Variants in AMOT observed in about 807,000 individuals in gnomAD.
AMOT encodes angiomotin.
A neutral mutation model predicts 67.0 loss-of-function variants in AMOT; 11 were observed. The ratio of observed to expected loss-of-function variants is 0.16; its 90% confidence interval spans 0.10 to 0.27. The LOEUF is 0.27. Ranked by LOEUF, AMOT falls within the 10% of genes least tolerant of loss-of-function variation. The pLI, the probability that AMOT is intolerant of heterozygous loss-of-function variation, is 1.00. For missense variants in AMOT, 753 were observed against 852.0 expected (o/e 0.88, Z 1.45); for synonymous variants, 326 against 321.4 (o/e 1.01, Z -0.15).
chrX:112,817,187 G>A (rs775858798), intron 4 of AMOT, among the ~76,000 whole-genome samples: 1 of 111,976 alleles, frequency 8.9e-6, no homozygotes, highest in African/African-American at 3.2e-5. Flanking sequence ...TACTGCTCAC[G>A]AGCTGTGTAA....
At chrX:112,805,662 C>T (rs2147802905) in intron 7 of AMOT, among the ~76,000 whole-genome samples, 1 of 112,024 alleles carries the variant, frequency 8.9e-6, no homozygotes, top group African/African-American at 3.2e-5. Flanking sequence ...CACGGAAAAC[C>T]TAACCCAACA....
intron 4 of AMOT, among the ~76,000 whole-genome samples, chrX:112,818,015 T>C (rs957674157): frequency 5.4e-5 from 6 of 111,539 alleles, no homozygotes; most frequent in Admixed American, 9.5e-5. Flanking sequence ...TGAGATTTGT[T>C]GGGGCTTGTG....
intron 9 of AMOT, among the ~76,000 whole-genome samples, chrX:112,791,481 T>C (rs1472953831): frequency 7.1e-5 from 8 of 112,460 alleles, no homozygotes; most frequent in Non-Finnish European, 1.1e-4. Flanking sequence ...AACTGAAAAG[T>C]GGTACAGCCA....
chrX:112,828,239 C>T (rs1470847950), intron 2 of AMOT, among the ~76,000 whole-genome samples: 1 of 109,042 alleles, frequency 9.2e-6, no homozygotes, highest in African/African-American at 3.4e-5. Flanking sequence ...GCATCATAAA[C>T]ACCGTGGCAC....
At chrX:112,783,221 G>C (rs1470389913) in intron 10 of AMOT, among the ~76,000 whole-genome samples, 2 of 108,036 alleles carry the variant, frequency 1.9e-5, no homozygotes, top group Non-Finnish European at 3.8e-5. Flanking sequence ...CTTGAACCCG[G>C]GAGGTGAAGG....
chrX:112,836,916 G>T (rs1249446990), intron 1 of AMOT, among the ~76,000 whole-genome samples: 3 of 108,749 alleles, frequency 2.8e-5, no homozygotes, highest in African/African-American at 1.0e-4. Context: ...ACTTAACAGA[G>T]GTAGTAAACC....
In AMOT at chrX:112,809,950, T is replaced by A. The variant is rs1483833087; in HGVS notation, c.1574A>T (p.Lys525Met). The A allele has an allele frequency of 3.3e-6, 4 of 1,211,507 alleles. No homozygotes were observed. Among genetic ancestry groups the A allele is most frequent in the Non-Finnish European group, 3.4e-6 (3 of 895,393 alleles). ...LETANKQLAE[K>M]EYEGSEDTRK... is the part of the protein sequence containing the mutation. ...GGTGTCCTCTGACCCCTCATATTCC[T>A]TCTCTGCAAGCTGCTTGTTGGCAGT... is the stretch of plus-strand genomic sequence containing the variant. The change falls in exon 7 of 14, where the codon AAG (lysine) becomes ATG (methionine). Residue 525 changes from lysine to methionine, a missense_variant. Physicochemically the swap from Lys to Met is moderately conservative, Grantham distance 95. Coordinates refer to ENST00000371959, the MANE Select transcript of AMOT (RefSeq NM_001113490.2).
At chrX:112,839,290 A>G (rs1935225320) in intron 1 of AMOT, among the ~76,000 whole-genome samples, 1 of 112,071 alleles carries the variant, frequency 8.9e-6, no homozygotes, top group Non-Finnish European at 1.9e-5. Flanking sequence ...AACTATTCTT[A>G]GCTACTAAAT....
In AMOT at chrX:112,822,383, T is replaced by C; in HGVS notation, c.744A>G (p.Pro248=). The C allele has an allele frequency of 4.3e-6, 5 of 1,166,289 alleles. No homozygotes were observed. Among genetic ancestry groups the C allele is most frequent in the Non-Finnish European group, 5.7e-6 (5 of 872,312 alleles). Residue 248 remains proline (P), a synonymous_variant, in exon 4 of 14, where the codon CCA becomes CCG. Coordinates refer to ENST00000371959, the MANE Select transcript of AMOT (RefSeq NM_001113490.2). ...PPPEYPFKGM[P]PQSVVCKPQE... ...GGGGCTTGCACACTACAGATTGGGG[T>C]GGCATGCCCTTGAAGGGATATTCTG... is the stretch of plus-strand genomic sequence containing the variant.
At chrX:112,826,174 C>CA (rs1017821556) in intron 2 of AMOT, among the ~76,000 whole-genome samples, 1 of 111,558 alleles carries the variant, frequency 9.0e-6, no homozygotes, top group African/African-American at 3.3e-5. Context: ...GCACATGAAC[C>CA]ACATTCCTAT....
chrX:112,815,805 G>T lies in AMOT; in HGVS notation c.945C>A (p.Thr315=), dbSNP rs189671740. The change falls in exon 5 of 14, where the codon ACC becomes ACA. Residue 315 remains threonine (T), a synonymous_variant. Coordinates refer to ENST00000371959, the MANE Select transcript of AMOT (RefSeq NM_001113490.2). ...SQPHSPTSSL[T]SGGSLPLLQS... Reference sequence around the variant, plus strand: ...GTAGCAAGGGCAAGGACCCCCCAGAGGTCAGAGAAGAAGTAGGGCTGTGAG... The same window carrying T: ...GTAGCAAGGGCAAGGACCCCCCAGATGTCAGAGAAGAAGTAGGGCTGTGAG... 395 of 1,165,007 alleles carry T rather than the reference G, an allele frequency of 3.4e-4. 1 individual carries two copies. Among genetic ancestry groups the T allele is most frequent in the Non-Finnish European group, 8.3e-5 (72 of 872,541 alleles).
chrX:112,801,418 G>C (rs1403055443), intron 8 of AMOT, among the ~76,000 whole-genome samples: 1 of 111,381 alleles, frequency 9.0e-6, no homozygotes. Flanking sequence ...GTACACGCTG[G>C]TTCAAGGCCT....
intron 11 of AMOT, among the ~76,000 whole-genome samples, 181 bp downstream of exon 11, chrX:112,782,359 A>G (rs1933212471): frequency 8.9e-6 from 1 of 112,115 alleles, no homozygotes; most frequent in Non-Finnish European, 1.9e-5. Flanking sequence ...CTGGAATTCC[A>G]TGTTTAGTGG....
intron 13 of AMOT, 107 bp from the exon 14 acceptor site, chrX:112,778,771 T>A: frequency 2.6e-6 from 2 of 765,999 alleles, no homozygotes; most frequent in Non-Finnish European, 3.8e-6. Context: ...AAAGTGAGAC[T>A]TGCCTGCCAC....
At chrX:112,803,926 T>C (rs1344264240) in intron 8 of AMOT, among the ~76,000 whole-genome samples, 2 of 111,879 alleles carry the variant, frequency 1.8e-5, no homozygotes, top group Non-Finnish European at 3.8e-5. Flanking sequence ...AGATATGAAA[T>C]TTTCTTTACC....
At position 112,778,444 on chromosome X, in the gene AMOT, G is replaced by T; in HGVS notation, c.*123C>A. The T allele has an allele frequency of 1.8e-6, 1 of 569,546 alleles. No individual in the cohort carries two copies. The highest frequency in any genetic ancestry group is 2.8e-6 in the Non-Finnish European group (1 of 356,799). The allele number at this position is 569,546 out of a possible 1,213,427, so 46.9% of individuals were successfully genotyped here. A position where few individuals can be genotyped will look rare whatever the true frequency, so the allele number is the denominator to read the frequency against. ...AAGTAGTACATTGTTCCAATAAAAA[G>T]TCCTGTTAAAAAACATCCCCTCCCC... On this transcript the variant is annotated 3_prime_UTR_variant, in exon 14 of 14. Coordinates refer to ENST00000371959, the MANE Select transcript of AMOT (RefSeq NM_001113490.2).
intron 8 of AMOT, 36 bp downstream of exon 8, chrX:112,804,911 A>AC: frequency 4.1e-6 from 2 of 490,731 alleles, no homozygotes; most frequent in Non-Finnish European, 6.8e-6. Flanking sequence ...CAGCCCTCCC[A>AC]CCCCCAGGCT....
Position 112,829,878 on chromosome X carries a change from C to T in AMOT, c.-212+2416G>A, listed in dbSNP as rs1329650264. 3.6e-5 allele frequency among the ~76,000 whole-genome samples: 4 copies of T among 112,058 alleles called. No homozygotes were observed. In the East Asian group the frequency reaches 1.1e-3, roughly 31 times the overall value. ...TGCCACCTCCCTCTATCTCCCAGCA[C>T]ACACATCCATTCCAAAAGAGGAGTA... On this transcript the variant is annotated intron_variant, in intron 2 of 13. Coordinates refer to ENST00000371959, the MANE Select transcript of AMOT (RefSeq NM_001113490.2).
intron 10 of AMOT, among the ~76,000 whole-genome samples, chrX:112,784,735 A>C (rs780514192): frequency 8.9e-6 from 1 of 112,666 alleles, no homozygotes; most frequent in South Asian, 3.7e-4. Context: ...TCTTGGTAAA[A>C]TCCTGGAAGC....
Sources: allele counts gnomAD v4.1 joint callset (sites outside exome capture counted in the v4.1 genomes callset), GRCh38; gene constraint gnomAD v4.1.1; transcripts MANE v1.5; gene names NCBI Gene and HGNC (gene_info 2026-07-23, HGNC 2026-07-21).